The following PDE4D variants were observed in gnomAD, a reference collection of about 807,000 sequenced individuals.
PDE4D encodes the protein phosphodiesterase 4D.
In PDE4D, 24 loss-of-function variants were observed where a neutral mutation model predicts 87.4. The observed-to-expected ratio is 0.27, with a 90% CI of 0.20 to 0.39. The LOEUF is 0.39. Among genes scored for constraint, PDE4D ranks in the 10% least tolerant of loss-of-function variants. PDE4D has a pLI of 1.00. For synonymous variants in PDE4D, 384 were observed against 383.2 expected, an observed-to-expected ratio of 1.00 and a Z score of -0.02; for missense variants, 714 against 1,041.0, an observed-to-expected ratio of 0.69 and a Z score of 4.32.
At chr5:59,510,280 C>T (rs1157204001) in intron 1 of PDE4D, among the ~76,000 whole-genome samples, 9 of 151,014 alleles carry the variant, frequency 6.0e-5, no homozygotes, top group Non-Finnish European at 1.5e-5. Context: ...AAGGCTAAAA[C>T]TCAATGCACA....
At chr5:60,290,354 A>G (rs571543380) in intron 1 of PDE4D, among the ~76,000 whole-genome samples, 2 of 152,322 alleles carry the variant, frequency 1.3e-5, no homozygotes, top group East Asian at 3.9e-4. Context: ...CAAAATGTAT[A>G]AGGAACAAAA....
intron 1 of PDE4D, among the ~76,000 whole-genome samples, chr5:59,344,793 A>T (rs1490025865): frequency 6.6e-6 from 1 of 152,182 alleles, no homozygotes; most frequent in African/African-American, 2.4e-5. Flanking sequence ...TACGTTTGAT[A>T]TTGCTCTAAT....
At chr5:59,935,677 C>T (rs1183509821) in intron 3 of PDE4D, among the ~76,000 whole-genome samples, 1 of 152,162 alleles carries the variant, frequency 6.6e-6, no homozygotes, top group Non-Finnish European at 1.5e-5. Flanking sequence ...CTAAAACCAA[C>T]TATATCCTTG....
At chr5:60,218,252 G>A (rs1014614563) in intron 1 of PDE4D, among the ~76,000 whole-genome samples, 6 of 151,934 alleles carry the variant, frequency 3.9e-5, no homozygotes, top group Non-Finnish European at 8.8e-5. Flanking sequence ...TTGAGCAAAA[G>A]AAAGCAAATA....
intron 2 of PDE4D, among the ~76,000 whole-genome samples, chr5:60,070,270 G>A (rs1489465995): frequency 1.3e-5 from 2 of 152,064 alleles, no homozygotes; most frequent in Non-Finnish European, 2.9e-5. Flanking sequence ...AATCTTAGAG[G>A]AAAAGCCTTC....
At chr5:59,903,166 T>C (rs537202773) in intron 3 of PDE4D, among the ~76,000 whole-genome samples, 1 of 152,260 alleles carries the variant, frequency 6.6e-6, no homozygotes, top group South Asian at 2.1e-4. Flanking sequence ...GCAATTTTAT[T>C]TCTCAAATAT....
At chr5:59,267,921 G>A (rs997328374) in intron 1 of PDE4D, among the ~76,000 whole-genome samples, 68 of 152,056 alleles carry the variant, frequency 4.5e-4, no homozygotes, top group African/African-American at 1.6e-3. Context: ...AATTCTTAGG[G>A]CTGAGATGGG....
At chr5:60,062,445 G>A (rs1456044293) in intron 2 of PDE4D, among the ~76,000 whole-genome samples, 2 of 152,250 alleles carry the variant, frequency 1.3e-5, no homozygotes, top group Non-Finnish European at 2.9e-5. Flanking sequence ...GGAGAAAGAG[G>A]AACACTTTTT....
chr5:60,457,918 T>C (rs767404063), intron 1 of PDE4D, among the ~76,000 whole-genome samples: 2 of 152,226 alleles, frequency 1.3e-5, no homozygotes, highest in African/African-American at 4.8e-5. Flanking sequence ...CAAGATCCGA[T>C]TGATTTGTTT....
chr5:59,184,034 T>C (rs1435002624), intron 4 of PDE4D, among the ~76,000 whole-genome samples: 1 of 152,136 alleles, frequency 6.6e-6, no homozygotes, highest in East Asian at 1.9e-4. Context: ...GATTAGGGCT[T>C]GTGGGTGTGT....
At chr5:59,185,986 T>A (rs1475641165) in intron 3 of PDE4D, among the ~76,000 whole-genome samples, 5 of 152,136 alleles carry the variant, frequency 3.3e-5, no homozygotes, top group African/African-American at 9.7e-5. Flanking sequence ...TTTTTCTAAT[T>A]CCAGTTGGAA....
intron 11 of PDE4D, among the ~76,000 whole-genome samples, chr5:58,985,690 C>T (rs937926398): frequency 2.6e-5 from 4 of 152,182 alleles, no homozygotes; most frequent in Admixed American, 2.6e-4. Context: ...GCAGCTCCAG[C>T]TCTGAGGCAA....
Position 60,416,999 on chromosome 5 carries a change from A to G in PDE4D, c.-90+70943T>C, listed in dbSNP as rs112355328. Among the ~76,000 whole-genome samples, 402 of 152,340 alleles carry G rather than the reference A, an allele frequency of 2.6e-3. 5 individuals are homozygous for G. Among genetic ancestry groups the G allele is most frequent in the African/African-American group, 9.3e-3 (388 of 41,574 alleles). The stretch of plus-strand genomic sequence containing the variant: ...GCGATTCCATCTACAAATGGCCTAC[A>G]TGGTTATTAATTAATCAAACATCCA... On this transcript the variant is annotated intron_variant, in intron 1 of 16. Coordinates refer to the PDE4D transcript ENST00000502484.
intron 1 of PDE4D, among the ~76,000 whole-genome samples, chr5:59,569,014 C>T (rs1435435311): frequency 6.6e-6 from 1 of 152,100 alleles, no homozygotes; most frequent in Non-Finnish European, 1.5e-5. Context: ...ACTATCTTTG[C>T]CATTTTTCTG....
intron 5 of PDE4D, among the ~76,000 whole-genome samples, chr5:59,072,507 C>T (rs1765016000): frequency 6.6e-6 from 1 of 152,186 alleles, no homozygotes; most frequent in South Asian, 2.1e-4. Context: ...CCTAGGCCCC[C>T]CTTGTCTAGG....
At chr5:58,997,958 T>C (rs983141358) in intron 6 of PDE4D, among the ~76,000 whole-genome samples, 9 of 152,078 alleles carry the variant, frequency 5.9e-5, no homozygotes, top group African/African-American at 1.7e-4. Flanking sequence ...CCTCCCAATA[T>C]ATATTTAAGG....
chr5:59,915,392 GA>G (rs1442680262), intron 3 of PDE4D, among the ~76,000 whole-genome samples: 2 of 152,154 alleles, frequency 1.3e-5, no homozygotes, highest in Non-Finnish European at 2.9e-5. Context: ...TCACAATTAA[GA>G]GTACTCTAAA....
intron 1 of PDE4D, among the ~76,000 whole-genome samples, chr5:59,443,031 A>G (rs1018958156): frequency 2.0e-5 from 3 of 152,222 alleles, no homozygotes; most frequent in Non-Finnish European, 4.4e-5. Flanking sequence ...CAACAGATAC[A>G]AGAGAAAAAT....
At chr5:60,037,656 A>G (rs1324003078) in intron 2 of PDE4D, among the ~76,000 whole-genome samples, 1 of 152,220 alleles carries the variant, frequency 6.6e-6, no homozygotes, top group Non-Finnish European at 1.5e-5. Flanking sequence ...TCTAAAAATA[A>G]TTAATACATT....
Sources: gnomAD v4.1 joint callset for allele counts (sites outside exome capture counted in the v4.1 genomes callset) on GRCh38, gnomAD v4.1.1 for gene constraint, MANE v1.5 for transcripts, NCBI Gene and HGNC (gene_info 2026-07-23, HGNC 2026-07-21) for gene names.